The following ARHGAP22 variants were observed in gnomAD, a reference collection of about 807,000 sequenced individuals.
ARHGAP22 encodes the protein rho GTPase-activating protein 22.
ARHGAP22 carries 48 observed loss-of-function variants against 59.1 expected under a neutral mutation model. The observed-to-expected ratio is 0.81, with a 90% CI of 0.64 to 1.03. The LOEUF (loss-of-function observed/expected upper bound fraction) is 1.03, where lower values mean the gene tolerates loss of function less well. ARHGAP22 is among the 50% of genes least tolerant of loss of function. The pLI is 0.00. For missense variants in ARHGAP22, 1,015 were observed against 958.7 expected (o/e 1.06, Z -0.78); for synonymous variants, 445 against 416.4 (o/e 1.07, Z -0.84).
At chr10:48,647,829 CCTACAAGGGAGTATTACTCAGCTACAAA>C (rs1300128681) in intron 1 of ARHGAP22, among the ~76,000 whole-genome samples, 4 of 152,108 alleles carry the variant, frequency 2.6e-5, no homozygotes, top group Non-Finnish European at 5.9e-5. Context: ...AATGTGCATC[CCTACAAGGGAGTATTACTCAGCTACAAA>C]GGAGCACACT....
At chr10:48,577,998 G>A (rs918392036) in intron 2 of ARHGAP22, among the ~76,000 whole-genome samples, 4 of 151,680 alleles carry the variant, frequency 2.6e-5, no homozygotes, top group Non-Finnish European at 4.4e-5. Flanking sequence ...TAGTAGAAAC[G>A]GGGTTTCACC....
intron 3 of ARHGAP22, among the ~76,000 whole-genome samples, chr10:48,488,394 TC>T (rs1294147663): frequency 3.3e-5 from 5 of 152,262 alleles, no homozygotes; most frequent in Non-Finnish European, 7.3e-5. Flanking sequence ...GGCTACATTT[TC>T]CTGCTTCTTT....
intron 3 of ARHGAP22, among the ~76,000 whole-genome samples, chr10:48,535,781 C>G (rs969510632): frequency 1.3e-5 from 2 of 152,222 alleles, no homozygotes; most frequent in Admixed American, 6.5e-5. Context: ...GAAAGACTCT[C>G]AGTTCATGTG....
chr10:48,543,995 G>A (rs1720840692), intron 3 of ARHGAP22, among the ~76,000 whole-genome samples: 2 of 152,222 alleles, frequency 1.3e-5, no homozygotes, highest in African/African-American at 4.8e-5. Flanking sequence ...ATGGTGGTGT[G>A]CACCTGTAAT....
At chr10:48,565,882 C>G (rs577630352) in intron 2 of ARHGAP22, among the ~76,000 whole-genome samples, 1 of 152,294 alleles carries the variant, frequency 6.6e-6, no homozygotes, top group East Asian at 1.9e-4. Flanking sequence ...ATTGCTTGTG[C>G]CATGAAATGA....
At chr10:48,554,647 C>G (rs972446230) in intron 3 of ARHGAP22, among the ~76,000 whole-genome samples, 1 of 151,396 alleles carries the variant, frequency 6.6e-6, no homozygotes, top group Admixed American at 6.6e-5. Flanking sequence ...CCCCAGAAAG[C>G]AGTTCTCAAG....
At chr10:48,441,541 T>C (rs1335769794), downstream of ARHGAP22, among the ~76,000 whole-genome samples, 1 of 149,260 alleles carries the variant, frequency 6.7e-6, no homozygotes, top group Non-Finnish European at 1.5e-5. Flanking sequence ...AAACTCCGCC[T>C]CCCAGGTTCA....
At chr10:48,455,516 C>G (rs1564679661) in intron 5 of ARHGAP22, among the ~76,000 whole-genome samples, 1 of 152,194 alleles carries the variant, frequency 6.6e-6, no homozygotes, top group Non-Finnish European at 1.5e-5. Flanking sequence ...AGCTGCTCCA[C>G]CCTAGCAGCT....
At chr10:48,524,013 C>A in intron 3 of ARHGAP22, 1 of 1,442,424 alleles carries the variant, frequency 6.9e-7, no homozygotes. Context: ...CCTCTGGCGG[C>A]GGCCGCAGGG....
chr10:48,547,249 C>T (rs192226765), intron 3 of ARHGAP22, among the ~76,000 whole-genome samples: 8 of 152,342 alleles, frequency 5.3e-5, no homozygotes, highest in Admixed American at 3.3e-4. Flanking sequence ...GTGTGTCTGG[C>T]GACAATCAAC....
chr10:48,438,159 T>C, the ARHGAP22 span: 2 of 152,240 alleles, frequency 1.3e-5, no homozygotes, highest in African/African-American at 4.8e-5. Flanking sequence ...ACATTAGCTA[T>C]AGAGTGGATG....
intron 3 of ARHGAP22, among the ~76,000 whole-genome samples, chr10:48,503,637 C>T (rs895523760): frequency 4.6e-5 from 7 of 152,214 alleles, no homozygotes; most frequent in Admixed American, 4.6e-4. Context: ...CCCATGGTGC[C>T]GGGAGAAGCC....
intron 2 of ARHGAP22, among the ~76,000 whole-genome samples, chr10:48,561,743 A>T (rs765520633): frequency 6.6e-6 from 1 of 152,238 alleles, no homozygotes; most frequent in Non-Finnish European, 1.5e-5. Flanking sequence ...GATCTTCAAC[A>T]TCATTAGTAG....
At chr10:48,513,892 A>G (rs908080035) in intron 3 of ARHGAP22, among the ~76,000 whole-genome samples, 3 of 152,380 alleles carry the variant, frequency 2.0e-5, no homozygotes, top group African/African-American at 7.2e-5. Context: ...AACTATGTCT[A>G]TATAATAAAA....
At chr10:48,550,866 T>G (rs1438261031) in intron 3 of ARHGAP22, among the ~76,000 whole-genome samples, 1 of 152,214 alleles carries the variant, frequency 6.6e-6, no homozygotes, top group Non-Finnish European at 1.5e-5. Context: ...GCTCACTTGG[T>G]GATTTTCCCA....
At chr10:48,654,825 T>TCTTCCTTCCTTCCTTC (rs1345861589), upstream of ARHGAP22, among the ~76,000 whole-genome samples, 3 of 62,522 alleles carry the variant, frequency 4.8e-5, no homozygotes, top group African/African-American at 1.4e-4. Context: ...TTTCTTTCTT[T>TCTTCCTTCCTTCCTTC]CTTCCTTCCT....
At chr10:48,469,734 G>A (rs557489173) in intron 4 of ARHGAP22, among the ~76,000 whole-genome samples, 15 of 152,332 alleles carry the variant, frequency 9.8e-5, no homozygotes, top group African/African-American at 3.6e-4. Flanking sequence ...CTCCTGGCAA[G>A]GGCAGCCCAT....
intron 4 of ARHGAP22, among the ~76,000 whole-genome samples, chr10:48,471,791 A>C (rs965365130): frequency 2.6e-5 from 4 of 152,202 alleles, no homozygotes; most frequent in Non-Finnish European, 5.9e-5. Context: ...GATTATTGCA[A>C]ATTCATCTCC....
chr10:48,536,897 C>T (rs1329010448), intron 3 of ARHGAP22, among the ~76,000 whole-genome samples: 1 of 152,102 alleles, frequency 6.6e-6, no homozygotes, highest in Non-Finnish European at 1.5e-5. Context: ...GCAAATTAGT[C>T]CACAAATTTC....
Sources: gnomAD v4.1 joint callset for allele counts (sites outside exome capture counted in the v4.1 genomes callset) on GRCh38, gnomAD v4.1.1 for gene constraint, MANE v1.5 for transcripts, NCBI Gene and HGNC (gene_info 2026-07-23, HGNC 2026-07-21) for gene names.